CAND2: variants seen among roughly 807,000 people sequenced by gnomAD.
CAND2 encodes cullin-associated NEDD8-dissociated protein 2.
CAND2 carries 62 observed loss-of-function variants against 98.9 expected under a neutral mutation model. That is an observed-to-expected ratio of 0.63 (90% confidence interval 0.51 to 0.77). The LOEUF (loss-of-function observed/expected upper bound fraction) is 0.77, where lower values mean the gene tolerates loss of function less well. CAND2 is among the 30% of genes least tolerant of loss of function. CAND2 has a pLI of 0.00. For missense variants in CAND2, 1,501 were observed against 1,655.2 expected, an observed-to-expected ratio of 0.91 and a Z score of 1.62; for synonymous variants, 770 against 731.9, an observed-to-expected ratio of 1.05 and a Z score of -0.84.
intron 10 of CAND2, among the ~76,000 whole-genome samples, chr3:12,818,427 A>G (rs1225652925): frequency 6.6e-6 from 1 of 152,240 alleles, no homozygotes; most frequent in African/African-American, 2.4e-5. Context: ...AGCCAAGAGC[A>G]GACGTCAGTA....
chr3:12,805,686 T>A (rs1357532153), intron 2 of CAND2, among the ~76,000 whole-genome samples: 2 of 152,142 alleles, frequency 1.3e-5, no homozygotes, highest in Admixed American at 1.3e-4. Flanking sequence ...TCTTAGAAAA[T>A]CTAAAATGTG....
At chr3:12,798,945 C>T (rs1403916030) in intron 1 of CAND2, among the ~76,000 whole-genome samples, 1 of 88,054 alleles carries the variant, frequency 1.1e-5, no homozygotes, top group East Asian at 2.4e-4. Context: ...ATGGGGGTCC[C>T]AGGTGGGGTG....
At position 12,816,621 on chromosome 3, in the gene CAND2, T is replaced by G. The variant is rs748719033; in HGVS notation, c.1689T>G (p.Pro563=). The G allele has an allele frequency of 6.2e-7, 1 of 1,613,942 alleles. No individual in the cohort carries two copies. Among genetic ancestry groups the G allele is most frequent in the South Asian group, 1.1e-5 (1 of 91,086 alleles). ...TGCACAGGCCTCGGATGCTGGATCC[T>G]GAGCCATATGTTGGAGAGATGTCTG... ...WPLHRPRMLD[P]EPYVGEMSAV... is the part of the protein sequence containing the mutation. Residue 563 remains proline, a synonymous_variant, in exon 10 of 15, where the codon CCT becomes CCG. Transcript: ENST00000456430.
At chr3:12,833,719 A>G in intron 14 of CAND2, 36 bp from the exon 15 acceptor site, 2 of 1,570,826 alleles carry the variant, frequency 1.3e-6, no homozygotes, top group East Asian at 2.2e-5. Flanking sequence ...GCCAGGCTCA[A>G]TAAAGGATGG....
chr3:12,812,769 T>A (rs1232412139), intron 5 of CAND2, among the ~76,000 whole-genome samples: 1 of 152,218 alleles, frequency 6.6e-6, no homozygotes, highest in African/African-American at 2.4e-5. Context: ...GTTGTGAAGA[T>A]TAGCTGACTA....
intron 13 of CAND2, among the ~76,000 whole-genome samples, chr3:12,830,577 G>A (rs1441009637): frequency 6.6e-6 from 1 of 152,218 alleles, no homozygotes; most frequent in Non-Finnish European, 1.5e-5. Flanking sequence ...CGCAGGACAG[G>A]GCCTAGGCAC....
rs531439250 is a variant in CAND2 at position 12,812,221 on chromosome 3, C to CTTTTTTTTTTTTTTTTTTTTTTTT, written c.758-750_758-749insTTTTTTTTTTTTTTTTTTTTTTTT. Among the ~76,000 whole-genome samples the CTTTTTTTTTTTTTTTTTTTTTTTT allele has an allele frequency of 1.5e-4, 11 of 74,516 alleles. 1 individual carries two copies. Among genetic ancestry groups the CTTTTTTTTTTTTTTTTTTTTTTTT allele is most frequent in the African/African-American group, 2.3e-4 (4 of 17,404 alleles). 48.9% of individuals were successfully genotyped at this position (74,516 alleles called of 152,430 possible). On this transcript the variant is annotated intron_variant, in intron 5 of 14. Coordinates refer to ENST00000456430, the MANE Select transcript of CAND2 (RefSeq NM_001162499.2). ...ACCATGCCCGGCCTAAGCTGTTTAT[C>CTTTTTTTTTTTTTTTTTTTTTTTT]TTTTTTTTTTTTTTTTTTTGGAGAT...
intron 10 of CAND2, among the ~76,000 whole-genome samples, chr3:12,819,602 G>A (rs2061939318): frequency 6.6e-6 from 1 of 152,154 alleles, no homozygotes; most frequent in East Asian, 1.9e-4. Context: ...CCAGGAAGAG[G>A]GGCCCAGCCA....
intron 2 of CAND2, among the ~76,000 whole-genome samples, chr3:12,803,990 A>C (rs1441625439): frequency 2.6e-5 from 4 of 152,022 alleles, no homozygotes; most frequent in Admixed American, 2.6e-4. Flanking sequence ...TTTCCCACTC[A>C]AAGGGTAAGG....
In CAND2 at chr3:12,825,605, A is replaced by G; in HGVS notation, c.3176A>G (p.Gln1059Arg). ...LLDDILPLLY[Q>R]ETKIRRDLIR... ...GATGACATCCTGCCCCTCCTCTACC[A>G]GGAGACAAAGATCCGGCGGGACCTC... Residue 1059 changes from glutamine to arginine, a missense_variant, in exon 12 of 15, where the codon CAG becomes CGG. Around this residue, in one of 3 missense-constraint regions of CAND2, gnomAD observed 1,427 missense variants for 1,545.3 expected, o/e 0.92. Transcript: ENST00000456430. 6.2e-7 allele frequency: 1 copy of G among 1,608,662 alleles called. No homozygotes were observed. Among genetic ancestry groups the G allele is most frequent in the South Asian group, 1.1e-5 (1 of 89,424 alleles).
chr3:12,832,995 G>T (rs552554899), intron 14 of CAND2, among the ~76,000 whole-genome samples: 5 of 152,308 alleles, frequency 3.3e-5, no homozygotes, highest in Admixed American at 2.0e-4. Flanking sequence ...CTCTTACGAC[G>T]AGGCAGCTCT....
intron 5 of CAND2, among the ~76,000 whole-genome samples, chr3:12,810,936 G>A (rs1225899306): frequency 6.6e-6 from 1 of 152,238 alleles, no homozygotes; most frequent in Non-Finnish European, 1.5e-5. Context: ...GGAAGCCACT[G>A]ATCTGCTTTC....
Position 12,803,647 on chromosome 3 carries a change from G to A in CAND2, c.212+16G>A, listed in dbSNP as rs764094418. 171 of 1,586,552 alleles carry A rather than the reference G, an allele frequency of 1.1e-4. No individual in the cohort carries two copies. The highest frequency in any genetic ancestry group is 5.1e-4 in the Middle Eastern group (3 of 5,912). ...CTGTCAAGTGGTGAGTGTCAGCCTC[G>A]GTGGAGCAGGAGAGGGGGCCCTACC... is the stretch of plus-strand genomic sequence containing the variant. On this transcript the variant is annotated intron_variant, in intron 2 of 14. Coordinates refer to ENST00000456430, the MANE Select transcript of CAND2 (RefSeq NM_001162499.2).
At chr3:12,818,933 C>T (rs1356012866) in intron 10 of CAND2, among the ~76,000 whole-genome samples, 2 of 152,130 alleles carry the variant, frequency 1.3e-5, no homozygotes, top group East Asian at 3.9e-4. Context: ...GCCTAAACAC[C>T]TATTTGTTTC....
At chr3:12,799,525 C>T (rs1212600395) in intron 1 of CAND2, among the ~76,000 whole-genome samples, 1 of 152,132 alleles carries the variant, frequency 6.6e-6, no homozygotes, top group Non-Finnish European at 1.5e-5. Context: ...GTCTGAAATG[C>T]TGAGGCATAC....
chr3:12,801,152 C>A (rs2061763739), intron 1 of CAND2, among the ~76,000 whole-genome samples: 1 of 151,944 alleles, frequency 6.6e-6, no homozygotes, highest in Non-Finnish European at 1.5e-5. Context: ...ATTCACCTGC[C>A]TCAGCCTTCC....
At chr3:12,825,980 G>A (rs926007175) in intron 12 of CAND2, among the ~76,000 whole-genome samples, 1 of 152,204 alleles carries the variant, frequency 6.6e-6, no homozygotes, top group South Asian at 2.1e-4. Flanking sequence ...CTGAACATCT[G>A]CACTGCGCCC....
chr3:12,807,605 G>T (rs1303659992), intron 3 of CAND2, 145 bp downstream of exon 3: 2 of 772,542 alleles, frequency 2.6e-6, no homozygotes, highest in African/African-American at 1.8e-5. Flanking sequence ...GCAGGGCAGA[G>T]AATTCAGGCC....
intron 1 of CAND2, among the ~76,000 whole-genome samples, chr3:12,798,332 C>T (rs1157298441): frequency 6.6e-6 from 1 of 152,062 alleles, no homozygotes; most frequent in Non-Finnish European, 1.5e-5. Flanking sequence ...GATTAGGTAC[C>T]TCCTTTCAGC....
Sources: gnomAD v4.1 joint callset for allele counts (sites outside exome capture counted in the v4.1 genomes callset) on GRCh38, gnomAD v4.1.1 for gene constraint, gnomAD v4.1.1 regional missense constraint, MANE v1.5 for transcripts, NCBI Gene and HGNC (gene_info 2026-07-23, HGNC 2026-07-21) for gene names.